The following ZNF37A variants were observed in gnomAD, a reference collection of about 807,000 sequenced individuals.
ZNF37A encodes the protein zinc finger protein 37A.
A neutral mutation model predicts 12.3 loss-of-function variants in ZNF37A; 10 were observed. The observed-to-expected ratio is 0.82, with a 90% confidence interval of 0.50 to 1.38. The LOEUF (loss-of-function observed/expected upper bound fraction) is 1.38. ZNF37A is among the 40% of genes most tolerant of loss of function. The pLI is 0.00. For synonymous variants in ZNF37A, 207 were observed against 223.0 expected (o/e 0.93, Z 0.64); for missense variants, 580 against 651.2 (o/e 0.89, Z 1.19).
intron 5 of ZNF37A, among the ~76,000 whole-genome samples, chr10:38,099,312 C>T (rs1439767218): frequency 3.3e-5 from 5 of 152,150 alleles, no homozygotes; most frequent in African/African-American, 4.8e-5. Context: ...TGGCAACCAC[C>T]ATCCTACTTT....
intron 5 of ZNF37A, among the ~76,000 whole-genome samples, chr10:38,096,960 T>C (rs537455633): frequency 6.6e-6 from 1 of 152,228 alleles, no homozygotes; most frequent in Admixed American, 6.5e-5. Context: ...GAGGGCAGAG[T>C]TGACTGGTTG....
intron 7 of ZNF37A, chr10:38,143,425 A>G (rs2070211521): frequency 1.3e-5 from 2 of 152,230 alleles, no homozygotes; most frequent in Non-Finnish European, 2.9e-5. Context: ...AAGACAGCAA[A>G]TTGATGTTTT....
exon 8 of ZNF37A, chr10:38,149,571 C>CTTTTTTTTTTTTT (rs549404724): frequency 4.2e-5 from 4 of 95,708 alleles, no homozygotes; most frequent in African/African-American, 4.1e-5. Context: ...TACAGTTGTG[C>CTTTTTTTTTTTTT]TTTTTTTTTT....
intron 5 of ZNF37A, among the ~76,000 whole-genome samples, chr10:38,101,898 C>T (rs2067615987): frequency 6.8e-6 from 1 of 148,114 alleles, no homozygotes; most frequent in Non-Finnish European, 1.5e-5. Flanking sequence ...TCTTGACTCT[C>T]TGCAACCTCC....
At chr10:38,110,063 G>A (rs1446756718) in intron 5 of ZNF37A, among the ~76,000 whole-genome samples, 3 of 152,198 alleles carry the variant, frequency 2.0e-5, no homozygotes, top group Admixed American at 6.5e-5. Flanking sequence ...GAACAAAGCT[G>A]GAGGCATCAC....
chr10:38,099,389 T>C (rs2067384582), intron 5 of ZNF37A, among the ~76,000 whole-genome samples: 1 of 152,230 alleles, frequency 6.6e-6, no homozygotes, highest in African/African-American at 2.4e-5. Context: ...ATTTGTCTTA[T>C]TGTAACAGTC....
In ZNF37A at chr10:38,121,843, TC is replaced by T. The variant is rs773443993; in HGVS notation, c.*3008del. The T allele has an allele frequency of 2.0e-5, 3 of 152,084 alleles. No individual in the cohort carries two copies. Among genetic ancestry groups the T allele is most frequent in the Non-Finnish European group, 4.4e-5 (3 of 68,034 alleles). The allele number at this position is 152,084 out of a possible 1,614,324, so 9.4% of individuals were successfully genotyped here. On this transcript the variant is annotated 3_prime_UTR_variant, in exon 8 of 8. Transcript: ENST00000685332. ...GCACACCAACTGCCAAGTTATTAGT[TC>T]CTAAATACTATCCACAAAAAAGGGG...
At chr10:38,106,641 C>T (rs2135935182) in intron 5 of ZNF37A, among the ~76,000 whole-genome samples, 1 of 152,098 alleles carries the variant, frequency 6.6e-6, no homozygotes, top group East Asian at 1.9e-4. Flanking sequence ...CTAGAATAAC[C>T]AGGTTAGAGA....
downstream of ZNF37A, among the ~76,000 whole-genome samples, chr10:38,126,517 T>C (rs1374825235): frequency 6.6e-6 from 1 of 152,336 alleles, no homozygotes; most frequent in East Asian, 1.9e-4. Flanking sequence ...TGGCTTTCTG[T>C]ATAGTGAGCA....
rs1266598464 is a variant in ZNF37A, at chr10:38,123,689, C to T, written c.*4852C>T. 9 of 152,194 alleles carry T rather than the reference C, an allele frequency of 5.9e-5. No individual in the cohort carries two copies. In the South Asian group the frequency reaches 1.2e-3, roughly 21 times the overall value. The allele number at this position is 152,194 out of a possible 1,614,324, so 9.4% of individuals were successfully genotyped here. On this transcript the variant is annotated 3_prime_UTR_variant, in exon 8 of 8. Transcript: ENST00000685332. The stretch of plus-strand genomic sequence containing the variant: ...AAAACTGGGCAAAAATCTGAATAGA[C>T]GTTTCTCAAAAGAAGACATACAAAT...
intron 5 of ZNF37A, among the ~76,000 whole-genome samples, chr10:38,098,598 C>T (rs1340017878): frequency 6.6e-6 from 1 of 152,088 alleles, no homozygotes; most frequent in Admixed American, 6.6e-5. Context: ...TTCTTTCCTT[C>T]ATTAATGTTT....
chr10:38,142,728 G>A, intron 7 of ZNF37A: 1 of 152,178 alleles, frequency 6.6e-6, no homozygotes. Flanking sequence ...TAGATCCTCT[G>A]TTACTTCAGG....
In ZNF37A at chr10:38,123,995, A is replaced by G. The variant is rs886180158; in HGVS notation, c.*5158A>G. The G allele has an allele frequency of 2.6e-5, 4 of 152,240 alleles. No individual in the cohort carries two copies. The highest frequency in any genetic ancestry group is 9.6e-5 in the African/African-American group (4 of 41,464). 9.4% of individuals were successfully genotyped at this position (152,240 alleles called of 1,614,324 possible). The stretch of plus-strand genomic sequence containing the variant: ...TTCCACTGGTAGTTATATACCCCAA[A>G]GACAGGAAATCAGTATATTGAAGAT... On this transcript the variant is annotated 3_prime_UTR_variant, in exon 8 of 8. Transcript: ENST00000685332.
At chr10:38,144,833 G>A (rs1298047742) in intron 7 of ZNF37A, among the ~76,000 whole-genome samples, 1 of 151,966 alleles carries the variant, frequency 6.6e-6, no homozygotes, top group Non-Finnish European at 1.5e-5. Flanking sequence ...TTTAAACTAA[G>A]TCTCGTATGC....
At chr10:38,147,614 T>C (rs1222695074) in exon 8 of ZNF37A, 1 of 152,206 alleles carries the variant, frequency 6.6e-6, no homozygotes, top group Admixed American at 6.5e-5. Flanking sequence ...CATTCTTCCC[T>C]GAACCCACAA....
chr10:38,095,943 T>A (rs569999421), intron 4 of ZNF37A, 139 bp downstream of exon 4: 1 of 152,286 alleles, frequency 6.6e-6, no homozygotes, highest in Non-Finnish European at 1.5e-5. Context: ...TCCCAGCACT[T>A]TGGGAGGCTG....
In ZNF37A at chr10:38,115,199, T is replaced by C; in HGVS notation, c.147T>C (p.Tyr49=). The change falls in exon 7 of 8, where the codon TAT becomes TAC. Residue 49 remains tyrosine (Y), a synonymous_variant. Transcript: ENST00000685332. ...ENYSHLVSVG[Y]CIPKPEVILK... is the part of the protein sequence containing the mutation. ...TAATACAATTCTCATTCACAGGGTA[T>C]TGCATTCCTAAACCAGAAGTGATTC... The C allele has an allele frequency of 2.5e-6, 4 of 1,613,194 alleles. No homozygotes were observed. Among genetic ancestry groups the C allele is most frequent in the East Asian group, 4.5e-5 (2 of 44,800 alleles).
At chr10:38,104,231 AC>A (rs2067836951) in intron 5 of ZNF37A, among the ~76,000 whole-genome samples, 1 of 152,132 alleles carries the variant, frequency 6.6e-6, no homozygotes, top group Non-Finnish European at 1.5e-5. Context: ...TTCCTGGAAG[AC>A]TAGCCCTGAG....
At chr10:38,107,433 A>G (rs1481647269) in intron 5 of ZNF37A, among the ~76,000 whole-genome samples, 1 of 152,224 alleles carries the variant, frequency 6.6e-6, no homozygotes, top group African/African-American at 2.4e-5. Context: ...GATACTATGA[A>G]AAAACTGCAT....
Sources: gnomAD v4.1 joint callset for allele counts (sites outside exome capture counted in the v4.1 genomes callset) on GRCh38, gnomAD v4.1.1 for gene constraint, MANE v1.5 for transcripts, NCBI Gene and HGNC (gene_info 2026-07-23, HGNC 2026-07-21) for gene names.